FAT1: variants seen among roughly 807,000 people sequenced by gnomAD.
FAT1 encodes FAT atypical cadherin 1.
In FAT1, 171 loss-of-function variants were observed where a neutral mutation model predicts 329.8. The observed-to-expected ratio is 0.52, with a 90% CI of 0.46 to 0.59. The LOEUF (loss-of-function observed/expected upper bound fraction) is 0.59. Ranked by LOEUF, FAT1 falls within the 20% of genes least tolerant of loss-of-function variation. The pLI, the probability that FAT1 is intolerant of heterozygous loss-of-function variation, is 0.00. For missense variants in FAT1, 5,672 were observed against 5,774.4 expected (o/e 0.98, Z 0.57); for synonymous variants, 2,233 against 2,228.6 (o/e 1.00, Z -0.06).
In FAT1 at chr4:186,590,622, C is replaced by T. The variant is rs542958909; in HGVS notation, c.13139-1402G>A. On this transcript the variant is annotated intron_variant, in intron 26 of 26. Coordinates refer to ENST00000441802, the MANE Select transcript of FAT1 (RefSeq NM_005245.4). The stretch of plus-strand genomic sequence containing the variant: ...ATATGGAAGTGGAGGAAAGTGACTG[C>T]GGAATGAGGAACCAGAAATTTGGCC... 2.3e-4 allele frequency: 106 copies of T among 456,924 alleles called. 1 individual carries two copies. The highest frequency in any genetic ancestry group is 1.5e-3 in the South Asian group (96 of 64,586). The allele number at this position is 456,924 out of a possible 1,614,324, so 28.3% of individuals were successfully genotyped here. A position where few individuals can be genotyped will look rare whatever the true frequency, so the allele number is the denominator to read the frequency against.
upstream of FAT1, chr4:186,723,931 G>C (rs778802302): frequency 2.7e-5 from 4 of 150,940 alleles, no homozygotes; most frequent in South Asian, 2.1e-4. Flanking sequence ...GCGGAAACTC[G>C]AGCCCACTTT....
In FAT1 at chr4:186,588,053, T is replaced by A. The variant is rs1738038133; in HGVS notation, c.*539A>T. 1 of 217,264 alleles carries A rather than the reference T, an allele frequency of 4.6e-6. No individual in the cohort carries two copies. The highest frequency in any genetic ancestry group is 7.0e-5 in the East Asian group (1 of 14,342). 13.5% of individuals were successfully genotyped at this position (217,264 alleles called of 1,614,324 possible). A position where few individuals can be genotyped will look rare whatever the true frequency, so the allele number is the denominator to read the frequency against. On this transcript the variant is annotated 3_prime_UTR_variant, in exon 27 of 27. Transcript: ENST00000441802. ...CCTTCATCCTATGTACAGCTAGAAA[T>A]GAATGACTACACTGAAATGTACTAA... is the stretch of plus-strand genomic sequence containing the variant.
intron 3 of FAT1, among the ~76,000 whole-genome samples, chr4:186,649,668 C>T (rs1000878193): frequency 6.6e-6 from 1 of 152,112 alleles, no homozygotes; most frequent in Non-Finnish European, 1.5e-5. Flanking sequence ...CCTTCCTTAG[C>T]GCTTTCAGAG....
intron 3 of FAT1, among the ~76,000 whole-genome samples, chr4:186,645,388 T>TATGTACTTTAATAGATACTTCATTAC: frequency 8.1e-5 from 7 of 85,916 alleles, no homozygotes; most frequent in Non-Finnish European, 1.3e-4. Flanking sequence ...TATATATATA[T>TATGTACTTTAATAGATACTTCATTAC]ATATATATAT....
chr4:186,597,918 G>A, intron 23 of FAT1, 54 bp downstream of exon 23: 1 of 1,578,624 alleles, frequency 6.3e-7, no homozygotes, highest in Non-Finnish European at 8.6e-7. Flanking sequence ...ACCATTATAT[G>A]TTTAAGAATT....
intron 2 of FAT1, among the ~76,000 whole-genome samples, chr4:186,667,916 G>C (rs1742531964): frequency 6.6e-6 from 1 of 152,176 alleles, no homozygotes; most frequent in African/African-American, 2.4e-5. Context: ...GCGGTGGGCT[G>C]TTGCCACTAT....
At chr4:186,677,716 G>A (rs1003300273) in intron 2 of FAT1, among the ~76,000 whole-genome samples, 6 of 151,968 alleles carry the variant, frequency 3.9e-5, no homozygotes, top group Admixed American at 6.6e-5. Context: ...GACAAATGAA[G>A]TATTTAATAT....
At chr4:186,637,235 C>A (rs1372212655) in intron 4 of FAT1, among the ~76,000 whole-genome samples, 1 of 152,140 alleles carries the variant, frequency 6.6e-6, no homozygotes, top group Admixed American at 6.5e-5. Flanking sequence ...TGTTAAGCTA[C>A]CAAAAACTTA....
chr4:186,597,623 G>A, intron 24 of FAT1, 59 bp downstream of exon 24: 1 of 1,205,936 alleles, frequency 8.3e-7, no homozygotes, highest in Non-Finnish European at 1.2e-6. Context: ...TGTTGCATCT[G>A]CCAGTCAATA....
intron 3 of FAT1, among the ~76,000 whole-genome samples, chr4:186,658,920 G>C (rs1742038445): frequency 6.6e-6 from 1 of 152,192 alleles, no homozygotes. Context: ...CACTTTTGTA[G>C]ATGACGAACT....
At position 186,709,064 on chromosome 4, in the gene FAT1, G is replaced by A. The variant is rs544352384; in HGVS notation, c.764C>T (p.Pro255Leu). 58 of 1,613,892 alleles carry A rather than the reference G, an allele frequency of 3.6e-5. No homozygotes were observed. The highest frequency in any genetic ancestry group is 1.6e-4 in the African/African-American group (12 of 75,002). The change falls in exon 2 of 27, where the codon CCG (proline) becomes CTG (leucine). Residue 255 changes from proline to leucine, a missense_variant. Transcript: ENST00000441802. ...VHIEQANECA[P>L]VITAVTLSPS... ...TGACAATGTCACTGCTGTTATCACC[G>A]GAGCACATTCATTGGCCTGTTCGAT...
chr4:186,710,043 A>C (rs2126707564), intron 1 of FAT1, among the ~76,000 whole-genome samples, 198 bp from the exon 2 acceptor site: 1 of 152,362 alleles, frequency 6.6e-6, no homozygotes, highest in African/African-American at 2.4e-5. Flanking sequence ...ATTAAGCTTA[A>C]CAAAAACTTC....
chr4:186,606,193 C>T lies in FAT1; in HGVS notation c.10227G>A (p.Thr3409=), dbSNP rs192760441. The change falls in exon 17 of 27, where the codon ACG becomes ACA. Residue 3409 remains threonine, a synonymous_variant. Coordinates refer to ENST00000441802, the MANE Select transcript of FAT1 (RefSeq NM_005245.4). The part of the protein sequence containing the change: ...DRETISGYTL[T]VQASDNGSPP... The stretch of plus-strand genomic sequence containing the variant: ...GACTGCCATTATCAGAAGCTTGAAC[C>T]GTGAGCGTGTAACCTGAAATCTTTT... 188 of 1,612,858 alleles carry T rather than the reference C, an allele frequency of 1.2e-4. 1 individual carries two copies. The African/African-American group carries it at 1.9e-3, about 16-fold the overall frequency.
chr4:186,663,298 C>A lies in FAT1; in HGVS notation c.3580+1G>T. The A allele has an allele frequency of 6.2e-7, 1 of 1,606,772 alleles. No individual in the cohort carries two copies. Among genetic ancestry groups the A allele is most frequent in the South Asian group, 1.1e-5 (1 of 90,546 alleles). On this transcript the variant is annotated splice_donor_variant, in intron 3 of 26. Coordinates refer to ENST00000441802, the MANE Select transcript of FAT1 (RefSeq NM_005245.4). LOFTEE classifies it high-confidence loss of function. ...TTTCCTATAGCAGTATTAACACATACCTGTTTTAGGATGTATTGAAAAGAA... is the reference window on the plus strand; with the variant it reads ...TTTCCTATAGCAGTATTAACACATAACTGTTTTAGGATGTATTGAAAAGAA...
rs756463058 is a variant in FAT1, at chr4:186,636,904, G to C, written c.3653C>G (p.Thr1218Arg). ...TGATTTGGGGGGACTACCATTGTCT[G>C]TCACAGTAACCTGTTTTTTTAAAGT... is the stretch of plus-strand genomic sequence containing the variant. ...QDEHILEVTVTDNGSPPKSTI... is the reference protein window; with the variant it reads ...QDEHILEVTVRDNGSPPKSTI... The change falls in exon 5 of 27, where the codon ACA becomes AGA. Residue 1218 changes from threonine (T) to arginine (R), a missense_variant. Thr to Arg is a moderately conservative substitution (Grantham distance 71, BLOSUM62 -1). Around this residue, in one of 2 missense-constraint regions of FAT1, gnomAD observed 3,966 missense variants for 3,915.2 expected, o/e 1.01. Coordinates refer to ENST00000441802, the MANE Select transcript of FAT1 (RefSeq NM_005245.4). 6.2e-7 allele frequency: 1 copy of C among 1,603,630 alleles called. No individual in the cohort carries two copies. Among genetic ancestry groups the C allele is most frequent in the South Asian group, 1.1e-5 (1 of 89,518 alleles).
At chr4:186,659,116 A>C (rs1254809801) in intron 3 of FAT1, among the ~76,000 whole-genome samples, 1 of 151,928 alleles carries the variant, frequency 6.6e-6, no homozygotes, top group Non-Finnish European at 1.5e-5. Context: ...GGATACACAA[A>C]TGTGTTACAA....
chr4:186,651,226 A>C (rs1407567353), intron 3 of FAT1, among the ~76,000 whole-genome samples: 2 of 151,938 alleles, frequency 1.3e-5, no homozygotes, highest in African/African-American at 4.8e-5. Context: ...GGAACTCCAG[A>C]TAGCACCTGA....
intron 3 of FAT1, among the ~76,000 whole-genome samples, chr4:186,649,794 T>A (rs1477714412): frequency 6.6e-6 from 1 of 152,180 alleles, no homozygotes; most frequent in African/African-American, 2.4e-5. Flanking sequence ...AAACCTTTTT[T>A]AAAAAAATTA....
chr4:186,621,172 G>A lies in FAT1; in HGVS notation c.5414C>T (p.Ala1805Val), dbSNP rs761898247. The stretch of plus-strand genomic sequence containing the variant: ...TTCAACAATGTGATATACAAGCAAA[G>A]CATTTGAGTCTTTATCAGCATCAGC... The part of the protein sequence containing the change: ...RAADADKDSN[A>V]LLVYHIVEPS... Residue 1805 changes from alanine to valine, a missense_variant, in exon 10 of 27, where the codon GCT becomes GTT. Physicochemically the swap from Ala to Val is moderately conservative, Grantham distance 64. Around this residue, in one of 2 missense-constraint regions of FAT1, gnomAD observed 3,966 missense variants for 3,915.2 expected, o/e 1.01. Transcript: ENST00000441802. The A allele has an allele frequency of 2.5e-6, 4 of 1,614,006 alleles. No homozygotes were observed. Among genetic ancestry groups the A allele is most frequent in the Non-Finnish European group, 2.5e-6 (3 of 1,179,898 alleles).
Sources: allele counts gnomAD v4.1 joint callset (sites outside exome capture counted in the v4.1 genomes callset), GRCh38; gene constraint gnomAD v4.1.1; regional missense constraint gnomAD v4.1.1; transcripts MANE v1.5; gene names NCBI Gene and HGNC (gene_info 2026-07-23, HGNC 2026-07-21).